The following PDE7B variants were observed in gnomAD, a reference collection of about 807,000 sequenced individuals.
PDE7B encodes phosphodiesterase 7B.
In PDE7B, 29 loss-of-function variants were observed where a neutral mutation model predicts 56.2. The observed-to-expected ratio is 0.52, with a 90% CI of 0.38 to 0.70. The LOEUF (loss-of-function observed/expected upper bound fraction) is 0.70, where lower values mean the gene tolerates loss of function less well. Among genes scored for constraint, PDE7B ranks in the 30% least tolerant of loss-of-function variants. PDE7B has a pLI of 0.00. For missense variants in PDE7B, 490 were observed against 565.0 expected (o/e 0.87, Z 1.35); for synonymous variants, 197 against 196.9 (o/e 1.00, Z 0.00).
intron 2 of PDE7B, among the ~76,000 whole-genome samples, chr6:135,953,833 T>C (rs1774743325): frequency 6.6e-6 from 1 of 152,174 alleles, no homozygotes; most frequent in African/African-American, 2.4e-5. Context: ...AAAGACTGTG[T>C]TGAAAGACAG....
intron 2 of PDE7B, among the ~76,000 whole-genome samples, chr6:136,000,596 C>T (rs1210895315): frequency 6.6e-6 from 1 of 152,106 alleles, no homozygotes; most frequent in Non-Finnish European, 1.5e-5. Flanking sequence ...TATTTTGTTC[C>T]ATGTATCTAT....
chr6:135,872,699 T>C (rs1247067703), intron 1 of PDE7B, among the ~76,000 whole-genome samples: 1 of 152,150 alleles, frequency 6.6e-6, no homozygotes, highest in Non-Finnish European at 1.5e-5. Context: ...ATAAAGACTA[T>C]CAAGGACTAT....
intron 3 of PDE7B, among the ~76,000 whole-genome samples, chr6:136,109,246 A>G (rs1240830810): frequency 2.6e-5 from 4 of 152,278 alleles, no homozygotes; most frequent in East Asian, 1.9e-4. Context: ...GGCTGAGGTG[A>G]GAGAATAGCT....
intron 3 of PDE7B, among the ~76,000 whole-genome samples, chr6:136,128,517 G>A (rs958897627): frequency 1.3e-5 from 2 of 151,940 alleles, no homozygotes; most frequent in Admixed American, 1.3e-4. Flanking sequence ...ATAATGATAG[G>A]TATTATTAGC....
chr6:135,879,887 G>C (rs1775573998), intron 1 of PDE7B, among the ~76,000 whole-genome samples: 1 of 152,132 alleles, frequency 6.6e-6, no homozygotes, highest in African/African-American at 2.4e-5. Context: ...GATGCTTGCT[G>C]ATACAAAGAA....
intron 2 of PDE7B, among the ~76,000 whole-genome samples, chr6:136,023,366 A>G (rs1288040748): frequency 6.6e-6 from 1 of 152,168 alleles, no homozygotes; most frequent in Non-Finnish European, 1.5e-5. Flanking sequence ...TCTTGCCTTT[A>G]CTAACCAGGC....
At chr6:136,154,480 T>C (rs913137267) in intron 7 of PDE7B, among the ~76,000 whole-genome samples, 2 of 151,552 alleles carry the variant, frequency 1.3e-5, no homozygotes, top group African/African-American at 4.9e-5. Flanking sequence ...CAACAGTCCA[T>C]AGAACTAGCT....
rs1404954510 is a variant in PDE7B, at chr6:135,935,186, T to TTTTATATATATATATATTTATATTTA, written c.22-12277_22-12276insTTATATATATATATATTTATATTTAT. On this transcript the variant is annotated intron_variant, in intron 1 of 12. Coordinates refer to ENST00000308191, the MANE Select transcript of PDE7B (RefSeq NM_018945.4). ...GACAGAGAATTTTATATATATATATTTATTTATATATATATATATATATAT... is the reference window on the plus strand; with the variant it reads ...GACAGAGAATTTTATATATATATATTTTTATATATATATATATTTATATTTATATTTATATATATATATATATATAT... Among the ~76,000 whole-genome samples the TTTTATATATATATATATTTATATTTA allele has an allele frequency of 1.2e-3, 45 of 38,442 alleles. 3 individuals are homozygous for TTTTATATATATATATATTTATATTTA. Among genetic ancestry groups the TTTTATATATATATATATTTATATTTA allele is most frequent in the African/African-American group, 6.1e-3 (41 of 6,748 alleles). The allele number at this position is 38,442 out of a possible 152,430, so 25.2% of individuals were successfully genotyped here. A position where few individuals can be genotyped will look rare whatever the true frequency, so the allele number is the denominator to read the frequency against.
At chr6:136,173,704 G>T in intron 8 of PDE7B, 93 bp from the exon 9 acceptor site, 2 of 845,238 alleles carry the variant, frequency 2.4e-6, no homozygotes, top group East Asian at 2.5e-5. Context: ...CAAACTGGAG[G>T]GAAAATGCTA....
At chr6:135,952,503 G>T (rs1331658373) in intron 2 of PDE7B, among the ~76,000 whole-genome samples, 1 of 152,206 alleles carries the variant, frequency 6.6e-6, no homozygotes, top group South Asian at 2.1e-4. Context: ...CCCTTAGAGG[G>T]TTTATTGTTC....
Position 136,187,065 on chromosome 6 carries a change from A to G in PDE7B, c.1075A>G (p.Ile359Val). ...GELEQKFELE[I>V]SPLCNQQKDS... ...ACTTGAACAGAAATTTGAACTGGAA[A>G]TCAGTCCTCTTTGTAATCAACAGAA... The change falls in exon 12 of 13, where the codon ATC (isoleucine) becomes GTC (valine). Residue 359 changes from isoleucine to valine, a missense_variant. Transcript: ENST00000308191. 1.3e-6 allele frequency: 2 copies of G among 1,591,490 alleles called. No homozygotes were observed. The highest frequency in any genetic ancestry group is 8.6e-7 in the Non-Finnish European group (1 of 1,160,668).
At chr6:136,071,771 C>T (rs1777054069) in intron 2 of PDE7B, among the ~76,000 whole-genome samples, 1 of 152,132 alleles carries the variant, frequency 6.6e-6, no homozygotes, top group African/African-American at 2.4e-5. Flanking sequence ...CCAGCCTGGG[C>T]AACTGAGCAA....
intron 8 of PDE7B, chr6:136,156,162 AGTGTGTGTGTGTGT>A (rs10625572): frequency 9.9e-5 from 25 of 251,988 alleles, no homozygotes; most frequent in African/African-American, 2.6e-4. Flanking sequence ...GAATGATCCA[AGTGTGTGTGTGTGT>A]GTGTGTGTGT....
intron 2 of PDE7B, among the ~76,000 whole-genome samples, chr6:135,959,948 A>AT (rs1329367299): frequency 6.6e-6 from 1 of 151,994 alleles, no homozygotes; most frequent in Non-Finnish European, 1.5e-5. Context: ...TAATTTTTAA[A>AT]TTTTTTGTAC....
intron 2 of PDE7B, chr6:136,044,479 T>C (rs1019970602): frequency 6.6e-6 from 1 of 152,164 alleles, no homozygotes; most frequent in Non-Finnish European, 1.5e-5. Context: ...GCTCTTGTTT[T>C]TAATGGAATC....
intron 1 of PDE7B, among the ~76,000 whole-genome samples, chr6:135,881,377 G>C (rs2128188798): frequency 6.6e-6 from 1 of 150,920 alleles, no homozygotes; most frequent in East Asian, 1.9e-4. Context: ...GTGTGGTGGT[G>C]CATGCCTGTA....
At chr6:136,170,007 A>C (rs1360895335) in intron 8 of PDE7B, among the ~76,000 whole-genome samples, 2 of 152,174 alleles carry the variant, frequency 1.3e-5, no homozygotes, top group Non-Finnish European at 2.9e-5. Flanking sequence ...ACCTCATAAC[A>C]AAGCCTTGGA....
At chr6:136,109,340 A>G (rs750512428) in intron 3 of PDE7B, among the ~76,000 whole-genome samples, 1 of 152,194 alleles carries the variant, frequency 6.6e-6, no homozygotes, top group Non-Finnish European at 1.5e-5. Context: ...AATTTTTTGT[A>G]TAAAAAGTGT....
Position 136,134,734 on chromosome 6 carries a change from C to CAAA in PDE7B, c.167-12596_167-12594dup, listed in dbSNP as rs67667001. Among the ~76,000 whole-genome samples, 106 of 91,254 alleles carry CAAA rather than the reference C, an allele frequency of 1.2e-3. 2 individuals are homozygous for CAAA. The highest frequency in any genetic ancestry group is 3.9e-3 in the African/African-American group (91 of 23,616). 59.9% of individuals were successfully genotyped at this position (91,254 alleles called of 152,430 possible). On this transcript the variant is annotated intron_variant, in intron 3 of 12. Coordinates refer to ENST00000308191, the MANE Select transcript of PDE7B (RefSeq NM_018945.4). ...TCGTTGGGATGGAGTTTATGGTAGG[C>CAAA]AAAAAAAAAAAAAAAAAAAAAAATT...
Sources: gnomAD v4.1 joint callset for allele counts (sites outside exome capture counted in the v4.1 genomes callset) on GRCh38, gnomAD v4.1.1 for gene constraint, MANE v1.5 for transcripts, NCBI Gene and HGNC (gene_info 2026-07-23, HGNC 2026-07-21) for gene names.